The following NSMCE2 variants were observed in gnomAD, a reference collection of about 807,000 sequenced individuals.
NSMCE2 encodes NSE2 SUMO ligase component of SMC5/6 complex.
In NSMCE2, 24 loss-of-function variants were observed where a neutral mutation model predicts 23.8. That is an observed-to-expected ratio of 1.01 (90% CI 0.73 to 1.42). NSMCE2 has a LOEUF of 1.42. Among genes scored for constraint, NSMCE2 ranks in the 40% most tolerant of loss-of-function variants. NSMCE2 has a pLI of 0.00. For synonymous variants in NSMCE2, 92 were observed against 94.1 expected, an observed-to-expected ratio of 0.98 and a Z score of 0.13; for missense variants, 284 against 296.5, an observed-to-expected ratio of 0.96 and a Z score of 0.31.
chr8:125,314,647 G>T (rs1303909870), intron 5 of NSMCE2, among the ~76,000 whole-genome samples: 1 of 152,198 alleles, frequency 6.6e-6, no homozygotes, highest in Non-Finnish European at 1.5e-5. Context: ...CCAGGTGATG[G>T]TTGTCTACCA....
intron 5 of NSMCE2, among the ~76,000 whole-genome samples, chr8:125,228,349 A>G (rs1825185391): frequency 6.6e-6 from 1 of 152,228 alleles, no homozygotes. Context: ...ATAAAAGAAG[A>G]AAAGTATGCT....
At chr8:125,181,616 G>A (rs1822814658) in intron 4 of NSMCE2, among the ~76,000 whole-genome samples, 1 of 152,090 alleles carries the variant, frequency 6.6e-6, no homozygotes, top group African/African-American at 2.4e-5. Context: ...TCCTTGGCAT[G>A]GCAGGACATT....
At chr8:125,170,594 G>A (rs1055712468) in intron 4 of NSMCE2, among the ~76,000 whole-genome samples, 5 of 151,734 alleles carry the variant, frequency 3.3e-5, no homozygotes, top group Admixed American at 6.6e-5. Context: ...TTTTAGAAGT[G>A]ATGGGGTTTC....
intron 5 of NSMCE2, among the ~76,000 whole-genome samples, chr8:125,328,271 T>G (rs1245702988): frequency 6.6e-6 from 1 of 152,144 alleles, no homozygotes; most frequent in Non-Finnish European, 1.5e-5. Context: ...CCTCTGTCTT[T>G]AGAAAATTTT....
At chr8:125,283,709 G>A (rs1827781847) in intron 5 of NSMCE2, among the ~76,000 whole-genome samples, 1 of 152,130 alleles carries the variant, frequency 6.6e-6, no homozygotes, top group Admixed American at 6.5e-5. Context: ...TTGGTAGCGG[G>A]GAGGGCTGTC....
intron 5 of NSMCE2, among the ~76,000 whole-genome samples, chr8:125,213,541 CCTCCA>C (rs2130892833): frequency 9.0e-6 from 1 of 110,550 alleles, no homozygotes; most frequent in Non-Finnish European, 1.9e-5. Context: ...TCTCCTCTCC[CCTCCA>C]CTCCCCTCCC....
chr8:125,171,830 C>A (rs1333411075), intron 4 of NSMCE2, among the ~76,000 whole-genome samples: 1 of 152,188 alleles, frequency 6.6e-6, no homozygotes, highest in African/African-American at 2.4e-5. Context: ...CTTCCCAGTG[C>A]CTCTTCCTGC....
chr8:125,167,525 T>A (rs1821952135), intron 4 of NSMCE2, among the ~76,000 whole-genome samples: 1 of 151,662 alleles, frequency 6.6e-6, no homozygotes, highest in South Asian at 2.1e-4. Flanking sequence ...ATTAGCTGGG[T>A]TCGGGAGGCT....
At chr8:125,347,309 G>T (rs990956071) in intron 5 of NSMCE2, among the ~76,000 whole-genome samples, 1 of 152,116 alleles carries the variant, frequency 6.6e-6, no homozygotes, top group Non-Finnish European at 1.5e-5. Flanking sequence ...AATCCTCATT[G>T]TCTCAATATC....
chr8:125,260,541 G>C (rs1826644899), intron 5 of NSMCE2, among the ~76,000 whole-genome samples: 1 of 147,792 alleles, frequency 6.8e-6, no homozygotes, highest in Non-Finnish European at 1.5e-5. Flanking sequence ...TCCTTCTCGG[G>C]GCCTGAGTTT....
intron 1 of NSMCE2, among the ~76,000 whole-genome samples, chr8:125,095,828 GC>G (rs1428560304): frequency 2.8e-5 from 4 of 140,424 alleles, no homozygotes; most frequent in African/African-American, 1.1e-4. Flanking sequence ...GTTGCAGTGA[GC>G]CAAGGTAGTG....
Position 125,102,338 on chromosome 8 carries a change from G to T in NSMCE2, c.8G>T (p.Gly3Val), listed in dbSNP as rs769726853. 6.2e-7 allele frequency: 1 copy of T among 1,613,330 alleles called. No homozygotes were observed. Among genetic ancestry groups the T allele is most frequent in the African/African-American group, 1.3e-5 (1 of 74,874 alleles). MPGRSSSNSGSTG... is the reference protein window; with the variant it reads MPVRSSSNSGSTG... ...TTAGGTACTAATTTCAAGATGCCAG[G>T]ACGTTCCAGTTCAAATTCAGGTTCA... The change falls in exon 3 of 8, where the codon GGA becomes GTA. Residue 3 changes from glycine to valine, a missense_variant. Transcript: ENST00000287437.
At chr8:125,291,164 A>C (rs921710303) in intron 5 of NSMCE2, among the ~76,000 whole-genome samples, 1 of 152,182 alleles carries the variant, frequency 6.6e-6, no homozygotes, top group African/African-American at 2.4e-5. Context: ...AGAAACTTTC[A>C]GAGGTAGGTG....
intron 3 of NSMCE2, among the ~76,000 whole-genome samples, chr8:125,117,981 G>A (rs189097391): frequency 1.2e-3 from 180 of 152,196 alleles, no homozygotes; most frequent in South Asian, 1.9e-3. Context: ...TTTAAAGACC[G>A]CATTCAATTT....
At chr8:125,287,347 A>G (rs1367809763) in intron 5 of NSMCE2, among the ~76,000 whole-genome samples, 1 of 152,142 alleles carries the variant, frequency 6.6e-6, no homozygotes, top group African/African-American at 2.4e-5. Flanking sequence ...ATATAAAATA[A>G]TAAAATCAAA....
chr8:125,131,792 A>G (rs1418800523), intron 3 of NSMCE2, among the ~76,000 whole-genome samples: 1 of 152,208 alleles, frequency 6.6e-6, no homozygotes, highest in Non-Finnish European at 1.5e-5. Flanking sequence ...ATCCCAAGTA[A>G]TTCTGATACA....
At chr8:125,290,754 T>G (rs1292900211) in intron 5 of NSMCE2, among the ~76,000 whole-genome samples, 3 of 152,198 alleles carry the variant, frequency 2.0e-5, no homozygotes, top group South Asian at 4.1e-4. Flanking sequence ...GAGACAGTTC[T>G]CAGACAGGAT....
chr8:125,252,203 A>G (rs1307077785), intron 5 of NSMCE2, among the ~76,000 whole-genome samples: 1 of 152,202 alleles, frequency 6.6e-6, no homozygotes, highest in East Asian at 1.9e-4. Flanking sequence ...GAAAGGGATG[A>G]CAGAAAGAAG....
intron 5 of NSMCE2, among the ~76,000 whole-genome samples, chr8:125,222,819 T>C (rs1178211095): frequency 6.6e-6 from 1 of 152,100 alleles, no homozygotes; most frequent in Non-Finnish European, 1.5e-5. Context: ...TCCCAGCTCT[T>C]TGGGAGGCTG....
Sources: gnomAD v4.1 joint callset for allele counts (sites outside exome capture counted in the v4.1 genomes callset) on GRCh38, gnomAD v4.1.1 for gene constraint, MANE v1.5 for transcripts, NCBI Gene and HGNC (gene_info 2026-07-23, HGNC 2026-07-21) for gene names.